The following MPP2 variants were observed in gnomAD, a reference collection of about 807,000 sequenced individuals.
MPP2 encodes the protein MAGUK p55 scaffold protein 2.
Under a neutral mutation model 58.5 loss-of-function variants are expected in MPP2, and 42 were observed. The observed-to-expected ratio is 0.72, with a 90% confidence interval of 0.56 to 0.93. The LOEUF (loss-of-function observed/expected upper bound fraction) is 0.93, where lower values mean the gene tolerates loss of function less well. Ranked by LOEUF, MPP2 falls within the 40% of genes least tolerant of loss-of-function variation. The pLI, the probability that MPP2 is intolerant of heterozygous loss-of-function variation, is 0.00. For synonymous variants in MPP2, 300 were observed against 307.8 expected, an observed-to-expected ratio of 0.97 and a Z score of 0.26; for missense variants, 632 against 760.4, an observed-to-expected ratio of 0.83 and a Z score of 1.99.
chr17:43,885,899 C>A (rs371111692), intron 3 of MPP2, among the ~76,000 whole-genome samples: 4 of 152,054 alleles, frequency 2.6e-5, no homozygotes, highest in East Asian at 3.9e-4. Flanking sequence ...CACCTGAGGT[C>A]AGGAGTTTGA....
In MPP2 at chr17:43,881,448, C is replaced by T. The variant is rs67843533; in HGVS notation, c.813+10G>A. 18,178 of 1,613,908 alleles carry T rather than the reference C, an allele frequency of 0.011. 1,736 individuals are homozygous for T. In the African/African-American group the frequency reaches 0.21, roughly 18 times the overall value. ...ATACCTGGAGAGATGCGGGGGTGCC[C>T]GCAGCTCACCTGCCACCAGTTGGCA... is the stretch of plus-strand genomic sequence containing the variant. On this transcript the variant is annotated intron_variant, in intron 7 of 12. Coordinates refer to ENST00000269095, the MANE Select transcript of MPP2 (RefSeq NM_005374.5).
In MPP2 at chr17:43,880,051, T is replaced by G; in HGVS notation, c.1151-67A>C. The G allele has an allele frequency of 6.7e-7, 1 of 1,489,004 alleles. No individual in the cohort carries two copies. The highest frequency in any genetic ancestry group is 1.4e-5 in the African/African-American group (1 of 72,526). 92.2% of individuals were successfully genotyped at this position (1,489,004 alleles called of 1,614,324 possible). On this transcript the variant is annotated intron_variant, in intron 10 of 12. Coordinates refer to ENST00000269095, the MANE Select transcript of MPP2 (RefSeq NM_005374.5). This position sits in a 1 kb window ranked among gnomAD's most constrained non-coding sequence, Gnocchi z 5.2. The stretch of plus-strand genomic sequence containing the variant: ...GGTTACAGTGCCTCAGACACATATA[T>G]GCACCCCTACCCAGGCCCCCGTTTC...
At chr17:43,903,644 G>A (rs568736361) in intron 2 of MPP2, among the ~76,000 whole-genome samples, 16 of 152,250 alleles carry the variant, frequency 1.1e-4, no homozygotes, top group Middle Eastern at 3.4e-3. Flanking sequence ...CCAAGCTTGC[G>A]CCACTGCACT....
chr17:43,901,267 G>T lies in MPP2; in HGVS notation c.32-2887C>A, dbSNP rs111758249. On this transcript the variant is annotated intron_variant, in intron 2 of 12. Transcript: ENST00000269095. ...TGGCATCGCTGTGGGTAGGGATGGT[G>T]CCCCAGCCCTGCTTACCCCTCGCCT... The T allele has an allele frequency of 8.6e-3, 8,438 of 985,356 alleles. 136 individuals are homozygous for T. Among genetic ancestry groups the T allele is most frequent in the African/African-American group, 0.067 (3,818 of 57,322 alleles). The allele number at this position is 985,356 out of a possible 1,614,324, so 61.0% of individuals were successfully genotyped here. A position where few individuals can be genotyped will look rare whatever the true frequency, so the allele number is the denominator to read the frequency against.
intron 5 of MPP2, 98 bp downstream of exon 5, chr17:43,882,805 C>T: frequency 6.4e-7 from 1 of 1,553,430 alleles, no homozygotes; most frequent in Admixed American, 1.8e-5. Flanking sequence ...GCCCCATCTT[C>T]ATCTTCAGAC....
At chr17:43,909,683 A>T, upstream of MPP2, 1 of 1,209,840 alleles carries the variant, frequency 8.3e-7, no homozygotes. Flanking sequence ...TCGGTCAACA[A>T]GTATCTCTCT....
upstream of MPP2, chr17:43,907,954 C>A (rs1331054270): frequency 1.0e-6 from 1 of 985,428 alleles, no homozygotes; most frequent in African/African-American, 1.7e-5. Flanking sequence ...AGGAGGACTT[C>A]AGAGAGACTC....
intron 12 of MPP2, among the ~76,000 whole-genome samples, chr17:43,878,777 A>T (rs891182881): frequency 6.6e-6 from 1 of 152,202 alleles, no homozygotes; most frequent in Admixed American, 6.5e-5. Context: ...GCAGCAAGAC[A>T]TAGGAAGGAG....
intron 6 of MPP2, 70 bp downstream of exon 6, chr17:43,882,214 T>G: frequency 6.3e-6 from 9 of 1,418,200 alleles, no homozygotes; most frequent in African/African-American, 1.4e-5. Context: ...AGGGCCTCCG[T>G]GAGACCTGCA....
At chr17:43,897,332 T>G (rs2047886332) in intron 3 of MPP2, among the ~76,000 whole-genome samples, 1 of 151,960 alleles carries the variant, frequency 6.6e-6, no homozygotes, top group African/African-American at 2.4e-5. Flanking sequence ...AACTACAAAA[T>G]TAGCTGGGCG....
rs2046875697 is a variant in MPP2, at chr17:43,877,084, G to C, written c.*723C>G. ...GCCAGCCTGGCCCTGTGGGGAGCAG[G>C]GCTGACCTGTCAGGACACATTGGAG... On this transcript the variant is annotated 3_prime_UTR_variant, in exon 13 of 13. Coordinates refer to ENST00000269095, the MANE Select transcript of MPP2 (RefSeq NM_005374.5). 1 of 152,886 alleles carries C rather than the reference G, an allele frequency of 6.5e-6. No individual in the cohort carries two copies. The highest frequency in any genetic ancestry group is 2.4e-5 in the African/African-American group (1 of 41,478). 9.5% of individuals were successfully genotyped at this position (152,886 alleles called of 1,614,324 possible).
At chr17:43,892,179 C>T (rs1326787880) in intron 3 of MPP2, among the ~76,000 whole-genome samples, 1 of 152,186 alleles carries the variant, frequency 6.6e-6, no homozygotes, top group Non-Finnish European at 1.5e-5. Context: ...CCTCCCTGGT[C>T]CCAGATCTAC....
rs1555607585 is a variant in MPP2 at position 43,883,054 on chromosome 17, T to G, written c.304-2A>C. On this transcript the variant is annotated splice_acceptor_variant, in intron 4 of 12. Transcript: ENST00000269095. LOFTEE classifies it high-confidence loss of function. ...AGAGTCGTGCGTCTCCAGGAGGGACTGGGGGGTGGTGGGAAGAGAAGGGAC... is the reference window on the plus strand; with the variant it reads ...AGAGTCGTGCGTCTCCAGGAGGGACGGGGGGGTGGTGGGAAGAGAAGGGAC... The G allele has an allele frequency of 6.8e-6, 11 of 1,609,154 alleles. No homozygotes were observed.
At position 43,876,382 on chromosome 17, in the gene MPP2, A is replaced by C. The variant is rs1204381335; in HGVS notation, c.*1425T>G. The C allele has an allele frequency of 2.0e-5, 3 of 152,424 alleles. No homozygotes were observed. The highest frequency in any genetic ancestry group is 1.3e-4 in the Admixed American group (2 of 15,268). 9.4% of individuals were successfully genotyped at this position (152,424 alleles called of 1,614,324 possible). A position where few individuals can be genotyped will look rare whatever the true frequency, so the allele number is the denominator to read the frequency against. On this transcript the variant is annotated 3_prime_UTR_variant, in exon 13 of 13. Transcript: ENST00000269095. ...GAGAATAATGAAGGATGAGATGCCC[A>C]AGTACATCTAGGACAGCATTCTTTC...
At position 43,882,503 on chromosome 17, in the gene MPP2, C is replaced by T. The variant is rs755411782; in HGVS notation, c.462G>A (p.Thr154=). Residue 154 remains threonine (T), a synonymous_variant, in exon 6 of 13, where the codon ACG becomes ACA. Transcript: ENST00000269095. ...RKTAGEHLGV[T]FRVEGGELVI... ...CCAGCTCGCCGCCCTCCACGCGGAACGTTACACCCTGGAGGTCAGAGGGAG... is the reference window on the plus strand; with the variant it reads ...CCAGCTCGCCGCCCTCCACGCGGAATGTTACACCCTGGAGGTCAGAGGGAG... 1.2e-6 allele frequency: 2 copies of T among 1,603,602 alleles called. No homozygotes were observed. The highest frequency in any genetic ancestry group is 2.2e-5 in the East Asian group (1 of 44,866).
intron 2 of MPP2, among the ~76,000 whole-genome samples, chr17:43,903,218 G>A (rs1362635385): frequency 6.6e-6 from 1 of 151,100 alleles, no homozygotes; most frequent in East Asian, 2.0e-4. Context: ...GAAGGTTGCA[G>A]TGAGCCGAGA....
In MPP2 at chr17:43,882,497, G is replaced by A. The variant is rs1309626518; in HGVS notation, c.468C>T (p.Arg156=). The change falls in exon 6 of 13, where the codon CGC becomes CGT. Residue 156 remains arginine (R), a synonymous_variant. Coordinates refer to ENST00000269095, the MANE Select transcript of MPP2 (RefSeq NM_005374.5). The part of the protein sequence containing the change: ...TAGEHLGVTF[R]VEGGELVIAR... ...CGATCACCAGCTCGCCGCCCTCCAC[G>A]CGGAACGTTACACCCTGGAGGTCAG... The A allele has an allele frequency of 1.2e-6, 2 of 1,604,088 alleles. No homozygotes were observed. The highest frequency in any genetic ancestry group is 3.3e-5 in the Admixed American group (2 of 60,018).
In MPP2 at chr17:43,904,564, C is replaced by T; in HGVS notation, c.-33-71G>A. ...ATGGGGAAGGGAATAGGAAGAGCCTCCCCTTCAGGACGAGCCAGAAAGGTA... is the reference window on the plus strand; with the variant it reads ...ATGGGGAAGGGAATAGGAAGAGCCTTCCCTTCAGGACGAGCCAGAAAGGTA... On this transcript the variant is annotated intron_variant, in intron 1 of 12. Transcript: ENST00000269095. The T allele has an allele frequency of 2.2e-6, 3 of 1,394,790 alleles. 1 individual carries two copies. The highest frequency in any genetic ancestry group is 2.4e-5 in the South Asian group (2 of 84,060). 86.4% of individuals were successfully genotyped at this position (1,394,790 alleles called of 1,614,324 possible).
chr17:43,878,007 C>T, intron 12 of MPP2, 24 bp from the exon 13 acceptor site: 1 of 1,600,902 alleles, frequency 6.2e-7, no homozygotes, highest in Non-Finnish European at 8.5e-7. Flanking sequence ...AGGGGACCTC[C>T]CTACAGTCAG....
Sources: gnomAD v4.1 joint callset for allele counts (sites outside exome capture counted in the v4.1 genomes callset) on GRCh38, gnomAD v4.1.1 for gene constraint, Gnocchi (gnomAD v3.1) non-coding constraint, MANE v1.5 for transcripts, NCBI Gene and HGNC (gene_info 2026-07-23, HGNC 2026-07-21) for gene names.